RTL4: variants seen among roughly 807,000 people sequenced by gnomAD.
The protein encoded by RTL4 is retrotransposon Gag like 4.
In RTL4, 4 loss-of-function variants were observed where a neutral mutation model predicts 5.3. The ratio of observed to expected loss-of-function variants is 0.75; its 90% CI spans 0.37 to 1.72. The LOEUF (loss-of-function observed/expected upper bound fraction) is 1.72, where lower values mean the gene tolerates loss of function less well. RTL4 is among the 40% of genes most tolerant of loss of function. The probability of loss-of-function intolerance (pLI) is 0.04; values close to 1 mark genes in which losing one functional copy is unlikely to be tolerated. For missense variants in RTL4, 260 were observed against 227.1 expected (o/e 1.14, Z -0.93); for synonymous variants, 98 against 87.3 (o/e 1.12, Z -0.68).
chrX:112,240,622 G>T, the RTL4 span, among the ~76,000 whole-genome samples: 10 of 111,803 alleles, frequency 8.9e-5, no homozygotes, highest in East Asian at 2.5e-3. Context: ...AGCACATATT[G>T]CTTTTGTGCC....
At chrX:112,305,136 G>C in the RTL4 span, among the ~76,000 whole-genome samples, 1 of 107,798 alleles carries the variant, frequency 9.3e-6, no homozygotes, top group Non-Finnish European at 1.9e-5. Flanking sequence ...AGGGGATGGG[G>C]AGTACTCAGT....
chrX:112,180,021 T>C, the RTL4 span, among the ~76,000 whole-genome samples: 1 of 111,139 alleles, frequency 9.0e-6, no homozygotes, highest in African/African-American at 3.3e-5. Context: ...ATTTTGCATC[T>C]AATTGAGGGT....
chrX:112,117,444 A>T, the RTL4 span, among the ~76,000 whole-genome samples: 2 of 110,801 alleles, frequency 1.8e-5, no homozygotes, highest in Non-Finnish European at 3.8e-5. Context: ...AATATTTTCA[A>T]CATATATGTC....
the RTL4 span, among the ~76,000 whole-genome samples, chrX:112,103,536 T>A: frequency 9.1e-6 from 1 of 109,875 alleles, no homozygotes. Context: ...CGTTTACCTA[T>A]TTAACAAACC....
chrX:112,354,546 T>C, the RTL4 span, among the ~76,000 whole-genome samples: 2 of 111,918 alleles, frequency 1.8e-5, no homozygotes, highest in Non-Finnish European at 3.8e-5. Flanking sequence ...TATGCATTGA[T>C]ATAAATGGAA....
the RTL4 span, among the ~76,000 whole-genome samples, chrX:112,208,097 A>C: frequency 8.9e-6 from 1 of 111,877 alleles, no homozygotes; most frequent in Non-Finnish European, 1.9e-5. Context: ...CATCTACTGC[A>C]AAGCCAGGGG....
At chrX:112,164,493 G>A in the RTL4 span, among the ~76,000 whole-genome samples, 1 of 112,164 alleles carries the variant, frequency 8.9e-6, no homozygotes, top group African/African-American at 3.2e-5. Flanking sequence ...TGCGGAGATG[G>A]AATAGGTAGC....
At chrX:112,362,028 C>T in the RTL4 span, among the ~76,000 whole-genome samples, 1 of 111,944 alleles carries the variant, frequency 8.9e-6, no homozygotes, top group African/African-American at 3.2e-5. Context: ...TATCAAAGAT[C>T]CAGGGAATAT....
At chrX:112,173,796 A>G in the RTL4 span, among the ~76,000 whole-genome samples, 2 of 110,618 alleles carry the variant, frequency 1.8e-5, no homozygotes, top group African/African-American at 6.6e-5. Context: ...ACTTTATTGT[A>G]GTTTTATAAT....
chrX:112,171,014 T>C, the RTL4 span, among the ~76,000 whole-genome samples: 3 of 111,823 alleles, frequency 2.7e-5, no homozygotes, highest in Non-Finnish European at 5.6e-5. Context: ...TATGTGGTTT[T>C]TGTCTTTGGT....
At chrX:112,096,369 G>A in the RTL4 span, among the ~76,000 whole-genome samples, 1 of 111,612 alleles carries the variant, frequency 9.0e-6, no homozygotes, top group East Asian at 2.8e-4. Flanking sequence ...CATCCCATTT[G>A]TCAATAAGGG....
the RTL4 span, among the ~76,000 whole-genome samples, chrX:112,114,613 C>T: frequency 7.2e-5 from 8 of 111,437 alleles, no homozygotes; most frequent in South Asian, 1.9e-3. Context: ...ATTCCCCTCC[C>T]CCTACAGCTT....
the RTL4 span, among the ~76,000 whole-genome samples, chrX:112,087,114 C>T: frequency 9.0e-6 from 1 of 111,067 alleles, no homozygotes; most frequent in African/African-American, 3.3e-5. Flanking sequence ...TTGAGAAGCA[C>T]CTTGCCTGAG....
chrX:112,120,580 G>GGTTT, the RTL4 span, among the ~76,000 whole-genome samples: 30 of 92,980 alleles, frequency 3.2e-4, no homozygotes, highest in Non-Finnish European at 5.6e-4. Flanking sequence ...CCCGGCTGGG[G>GGTTT]TTTTTTTTTT....
the RTL4 span, among the ~76,000 whole-genome samples, chrX:112,260,291 A>G: frequency 9.0e-6 from 1 of 111,065 alleles, no homozygotes; most frequent in Non-Finnish European, 1.9e-5. Flanking sequence ...ATATTCTATG[A>G]TTTTTAGGGT....
chrX:112,293,581 A>G, the RTL4 span, among the ~76,000 whole-genome samples: 1 of 112,127 alleles, frequency 8.9e-6, no homozygotes, highest in Non-Finnish European at 1.9e-5. Flanking sequence ...GGTGGAATTG[A>G]CTACCTTGGG....
chrX:112,367,678 T>C, the RTL4 span, among the ~76,000 whole-genome samples: 6 of 111,861 alleles, frequency 5.4e-5, no homozygotes, highest in South Asian at 2.2e-3. Flanking sequence ...CTGGGGATCC[T>C]ATGGTAAAAA....
chrX:112,381,598 G>A, the RTL4 span: 1 of 1,193,260 alleles, frequency 8.4e-7, no homozygotes, highest in South Asian at 1.8e-5. Context: ...GAGAGATTGA[G>A]CGAAGAAGAC....
the RTL4 span, among the ~76,000 whole-genome samples, chrX:112,178,931 G>C: frequency 1.8e-5 from 2 of 112,028 alleles, no homozygotes; most frequent in African/African-American, 6.5e-5. Context: ...AGTCCTCTTG[G>C]GTTTCTGGTC....
Sources: gnomAD v4.1 joint callset for allele counts (sites outside exome capture counted in the v4.1 genomes callset) on GRCh38, gnomAD v4.1.1 for gene constraint, MANE v1.5 for transcripts, NCBI Gene and HGNC (gene_info 2026-07-23, HGNC 2026-07-21) for gene names.